Variants in CDH4 observed in about 807,000 individuals in gnomAD.
CDH4 encodes cadherin 4.
In CDH4, 33 loss-of-function variants were observed where a neutral mutation model predicts 86.0. That is an observed-to-expected ratio of 0.38 (90% CI 0.29 to 0.51). The LOEUF (loss-of-function observed/expected upper bound fraction) is 0.51, where lower values mean the gene tolerates loss of function less well. Ranked by LOEUF, CDH4 falls within the 20% of genes least tolerant of loss-of-function variation. The pLI is 0.86. For synonymous variants in CDH4, 555 were observed against 549.4 expected (o/e 1.01, Z -0.14); for missense variants, 1,114 against 1,307.4 (o/e 0.85, Z 2.28).
intron 2 of CDH4, among the ~76,000 whole-genome samples, chr20:61,633,865 C>T (rs1030137257): frequency 3.3e-5 from 5 of 152,206 alleles, no homozygotes; most frequent in Non-Finnish European, 5.9e-5. Flanking sequence ...ATACTGTGCT[C>T]TTTAAACACA....
Position 61,618,758 on chromosome 20 carries a change from C to G in CDH4, c.170-124805C>G, listed in dbSNP as rs936394188. ...TTAACTGAGAATTCACTCGTGTGAG[C>G]AATGCAGATGTGTTGCTCTTTATTG... On this transcript the variant is annotated intron_variant, in intron 2 of 15. Transcript: ENST00000614565. 2.1e-4 allele frequency among the ~76,000 whole-genome samples: 32 copies of G among 152,236 alleles called. 1 individual carries two copies. The highest frequency in any genetic ancestry group is 1.5e-5 in the Non-Finnish European group (1 of 68,038).
chr20:61,820,951 G>C (rs148928034), intron 4 of CDH4, among the ~76,000 whole-genome samples: 1 of 152,058 alleles, frequency 6.6e-6, no homozygotes, highest in Non-Finnish European at 1.5e-5. Flanking sequence ...TTAAAATCCT[G>C]TTGTGTCCTG....
chr20:61,746,610 G>A (rs1017443320), intron 3 of CDH4, among the ~76,000 whole-genome samples: 13 of 152,342 alleles, frequency 8.5e-5, no homozygotes, highest in African/African-American at 2.6e-4. Flanking sequence ...GTGGGTGCAC[G>A]GCAAGGCTTC....
At chr20:61,785,740 C>T (rs1306431568) in intron 4 of CDH4, among the ~76,000 whole-genome samples, 2 of 152,222 alleles carry the variant, frequency 1.3e-5, no homozygotes, top group Non-Finnish European at 1.5e-5. Flanking sequence ...GTTCAGGACA[C>T]CTCCCTTTCA....
intron 6 of CDH4, among the ~76,000 whole-genome samples, chr20:61,858,699 C>T (rs1983182357): frequency 6.6e-6 from 1 of 152,196 alleles, no homozygotes; most frequent in African/African-American, 2.4e-5. Context: ...TGGCTGTTTT[C>T]CTGCAGCATC....
At chr20:61,732,596 G>T (rs113539838) in intron 2 of CDH4, among the ~76,000 whole-genome samples, 1 of 152,130 alleles carries the variant, frequency 6.6e-6, no homozygotes, top group Non-Finnish European at 1.5e-5. Flanking sequence ...CTTCATTCAG[G>T]TTGGCCTATT....
At chr20:61,875,399 C>T (rs943098945) in intron 7 of CDH4, among the ~76,000 whole-genome samples, 3 of 151,390 alleles carry the variant, frequency 2.0e-5, no homozygotes, top group Non-Finnish European at 4.4e-5. Context: ...GGGTTCAGCA[C>T]GGGCTCAGGA....
At chr20:61,452,404 T>A (rs1212187072) in intron 2 of CDH4, among the ~76,000 whole-genome samples, 1 of 152,156 alleles carries the variant, frequency 6.6e-6, no homozygotes, top group Non-Finnish European at 1.5e-5. Context: ...TCTGAAAAGA[T>A]TGCTAATCCT....
intron 2 of CDH4, among the ~76,000 whole-genome samples, chr20:61,498,245 G>A (rs116472925): frequency 0.022 from 3,411 of 152,114 alleles, 134 homozygotes; most frequent in African/African-American, 0.077. Flanking sequence ...AGACCAGATC[G>A]GATGGGCAAA....
intron 2 of CDH4, among the ~76,000 whole-genome samples, chr20:61,550,180 C>G (rs1445920568): frequency 6.8e-6 from 1 of 147,904 alleles, no homozygotes; most frequent in East Asian, 2.0e-4. Context: ...CACTGGCCTC[C>G]CTAGCCTGCT....
At chr20:61,680,039 C>T (rs114785403) in intron 2 of CDH4, among the ~76,000 whole-genome samples, 3,856 of 152,272 alleles carry the variant, frequency 0.025, 163 homozygotes, top group African/African-American at 0.087. Context: ...GCCTGGGGCA[C>T]CCGGCGGAGA....
chr20:61,790,066 C>A (rs1417039230), intron 4 of CDH4, among the ~76,000 whole-genome samples: 1 of 152,098 alleles, frequency 6.6e-6, no homozygotes, highest in Non-Finnish European at 1.5e-5. Context: ...TCCAACCATA[C>A]ACCCATCCAT....
At position 61,807,161 on chromosome 20, in the gene CDH4, G is replaced by C. The variant is rs923433329; in HGVS notation, c.576+33979G>C. On this transcript the variant is annotated intron_variant, in intron 4 of 15. Coordinates refer to ENST00000614565, the MANE Select transcript of CDH4 (RefSeq NM_001794.5). The surrounding 1 kb of genome is among the most constrained non-coding windows in gnomAD (Gnocchi z 4.5). Reference sequence around the variant, plus strand: ...AAGGCCAGTGGGGCAGGTGCCGGGAGGGCCTCGGGAGGTGCCTGGTGGGTC... The same window carrying C: ...AAGGCCAGTGGGGCAGGTGCCGGGACGGCCTCGGGAGGTGCCTGGTGGGTC... Among the ~76,000 whole-genome samples the C allele has an allele frequency of 6.6e-6, 1 of 152,254 alleles. No homozygotes were observed. The highest frequency in any genetic ancestry group is 2.4e-5 in the African/African-American group (1 of 41,478).
chr20:61,283,723 C>G (rs1600833080), intron 2 of CDH4, among the ~76,000 whole-genome samples: 1 of 152,250 alleles, frequency 6.6e-6, no homozygotes, highest in African/African-American at 2.4e-5. Context: ...GACAGCACAT[C>G]TCTCATCATT....
chr20:61,485,687 A>T (rs193208502), intron 2 of CDH4, among the ~76,000 whole-genome samples: 71 of 152,370 alleles, frequency 4.7e-4, no homozygotes, highest in Admixed American at 4.6e-3. Flanking sequence ...ACTCTTGTGC[A>T]GAACAGGACC....
At chr20:61,721,865 G>A (rs981005787) in intron 2 of CDH4, among the ~76,000 whole-genome samples, 5 of 152,124 alleles carry the variant, frequency 3.3e-5, no homozygotes, top group Admixed American at 6.5e-5. Flanking sequence ...TGCAGGACCC[G>A]GCCCGCTGTG....
At chr20:61,772,011 G>A (rs2088781185) in intron 3 of CDH4, among the ~76,000 whole-genome samples, 1 of 152,184 alleles carries the variant, frequency 6.6e-6, no homozygotes, top group Non-Finnish European at 1.5e-5. Flanking sequence ...AGTGACCGCG[G>A]GGACCCAGCA....
Position 61,457,983 on chromosome 20 carries a change from A to G in CDH4, c.169+203046A>G, listed in dbSNP as rs1252201601. 1.3e-5 allele frequency among the ~76,000 whole-genome samples: 2 copies of G among 149,742 alleles called. 1 individual carries two copies. Among genetic ancestry groups the G allele is most frequent in the Admixed American group, 1.3e-4 (2 of 15,096 alleles). The stretch of plus-strand genomic sequence containing the variant: ...GTATAGTCATGGTCATGATGATGAC[A>G]GTGCTGACACTGGTGGTGGTGTTGG... On this transcript the variant is annotated intron_variant, in intron 2 of 15. Transcript: ENST00000614565.
chr20:61,873,929 C>T lies in CDH4; in HGVS notation c.1050+29C>T, dbSNP rs367778857. 26 of 1,607,338 alleles carry T rather than the reference C, an allele frequency of 1.6e-5. No individual in the cohort carries two copies. In the Admixed American group the frequency reaches 1.8e-4, roughly 11 times the overall value. On this transcript the variant is annotated intron_variant, in intron 7 of 15. Coordinates refer to ENST00000614565, the MANE Select transcript of CDH4 (RefSeq NM_001794.5). Reference sequence around the variant, plus strand: ...AGGCGGGGTGGGGTCTGCGTGCAGGCGGGTGAGCTCCTGGTCCCCGCAGGA... The same window carrying T: ...AGGCGGGGTGGGGTCTGCGTGCAGGTGGGTGAGCTCCTGGTCCCCGCAGGA...
Sources: gnomAD v4.1 joint callset for allele counts (sites outside exome capture counted in the v4.1 genomes callset) on GRCh38, gnomAD v4.1.1 for gene constraint, Gnocchi (gnomAD v3.1) non-coding constraint, MANE v1.5 for transcripts, NCBI Gene and HGNC (gene_info 2026-07-23, HGNC 2026-07-21) for gene names.